Variants in DLG2 observed in about 807,000 individuals in gnomAD.
The protein encoded by DLG2 is discs large MAGUK scaffold protein 2, also known as disks large homolog 2.
A neutral mutation model predicts 132.5 loss-of-function variants in DLG2; 45 were observed. The ratio of observed to expected loss-of-function variants is 0.34; its 90% CI spans 0.27 to 0.44. The LOEUF (loss-of-function observed/expected upper bound fraction) is 0.44, where lower values mean the gene tolerates loss of function less well. Ranked by LOEUF, DLG2 falls within the 20% of genes least tolerant of loss-of-function variation. DLG2 has a pLI of 1.00. For synonymous variants in DLG2, 424 were observed against 419.6 expected, an observed-to-expected ratio of 1.01 and a Z score of -0.13; for missense variants, 1,045 against 1,196.9, an observed-to-expected ratio of 0.87 and a Z score of 1.87.
chr11:84,165,141 T>C (rs953857753), intron 8 of DLG2, among the ~76,000 whole-genome samples: 11 of 152,216 alleles, frequency 7.2e-5, no homozygotes, highest in African/African-American at 2.2e-4. Context: ...TCCCTCAGTA[T>C]GGCTCCATGA....
intron 18 of DLG2, among the ~76,000 whole-genome samples, chr11:83,758,692 T>C (rs1216234122): frequency 6.6e-6 from 1 of 152,198 alleles, no homozygotes; most frequent in Admixed American, 6.5e-5. Flanking sequence ...ATCTGCTTAG[T>C]CCAGTGCTTG....
chr11:84,533,632 T>A (rs1251659684), intron 7 of DLG2, among the ~76,000 whole-genome samples: 1 of 152,104 alleles, frequency 6.6e-6, no homozygotes, highest in African/African-American at 2.4e-5. Flanking sequence ...TTTTTGCAGG[T>A]ATAATAAGAT....
intron 7 of DLG2, among the ~76,000 whole-genome samples, chr11:84,522,882 C>T (rs1213261540): frequency 3.3e-5 from 5 of 152,152 alleles, no homozygotes; most frequent in Non-Finnish European, 7.4e-5. Context: ...CAATATCTTC[C>T]ATCACTAGCC....
intron 6 of DLG2, among the ~76,000 whole-genome samples, chr11:84,795,560 C>T (rs1283075082): frequency 1.3e-5 from 2 of 152,140 alleles, no homozygotes; most frequent in Non-Finnish European, 2.9e-5. Context: ...TGATCATCCT[C>T]CGCTTGTCTG....
chr11:84,747,560 G>C (rs1305614927), intron 6 of DLG2, among the ~76,000 whole-genome samples: 2 of 152,148 alleles, frequency 1.3e-5, no homozygotes, highest in African/African-American at 4.8e-5. Flanking sequence ...AATAAAATTA[G>C]TTAACATATT....
chr11:84,429,665 T>TA (rs2098978062), intron 7 of DLG2, among the ~76,000 whole-genome samples: 1 of 152,318 alleles, frequency 6.6e-6, no homozygotes, highest in African/African-American at 2.4e-5. Context: ...ATGGCTTCTC[T>TA]AATAGCCTCA....
chr11:83,694,565 A>C (rs1200950766), intron 18 of DLG2, among the ~76,000 whole-genome samples: 2 of 152,124 alleles, frequency 1.3e-5, no homozygotes, highest in African/African-American at 4.8e-5. Flanking sequence ...AGAAAGAAAA[A>C]AGAATCTTAA....
Position 83,511,087 on chromosome 11 carries a change from G to GACACACACACACAGAC in DLG2, c.2193+21620_2193+21621insGTCTGTGTGTGTGTGT, listed in dbSNP as rs372046221. On this transcript the variant is annotated intron_variant, in intron 21 of 27. Coordinates refer to ENST00000376104, the MANE Select transcript of DLG2 (RefSeq NM_001142699.3). ...TCACTTGCTCAAACACACACACACA[G>GACACACACACACAGAC]ACACACACACACACACACACACACA... 5.5e-3 allele frequency among the ~76,000 whole-genome samples: 764 copies of GACACACACACACAGAC among 138,576 alleles called. 6 individuals are homozygous for GACACACACACACAGAC. The highest frequency in any genetic ancestry group is 8.4e-3 in the Non-Finnish European group (542 of 64,664). 90.9% of individuals were successfully genotyped at this position (138,576 alleles called of 152,430 possible). A position where few individuals can be genotyped will look rare whatever the true frequency, so the allele number is the denominator to read the frequency against.
At chr11:83,900,089 C>G (rs1003200651) in intron 15 of DLG2, among the ~76,000 whole-genome samples, 9 of 152,106 alleles carry the variant, frequency 5.9e-5, no homozygotes, top group Non-Finnish European at 7.4e-5. Context: ...TTTCCCCCTG[C>G]CCAAGAGATT....
At chr11:85,465,292 C>G (rs556754987) in intron 3 of DLG2, among the ~76,000 whole-genome samples, 1 of 151,174 alleles carries the variant, frequency 6.6e-6, no homozygotes, top group South Asian at 2.1e-4. Context: ...ACTTCATAGC[C>G]ACTGCAACTG....
At position 85,523,432 on chromosome 11, in the gene DLG2, A is replaced by C. The variant is rs115620124; in HGVS notation, c.40+75225T>G. ...AAAAATGGGAAAAAGATCTAAACAGACATTTCTCAAAAGAAGACATACAAA... is the reference window on the plus strand; with the variant it reads ...AAAAATGGGAAAAAGATCTAAACAGCCATTTCTCAAAAGAAGACATACAAA... On this transcript the variant is annotated intron_variant, in intron 3 of 27. Coordinates refer to ENST00000376104, the MANE Select transcript of DLG2 (RefSeq NM_001142699.3). 8.2e-3 allele frequency among the ~76,000 whole-genome samples: 1,256 copies of C among 152,346 alleles called. 18 individuals carry two copies. Among genetic ancestry groups the C allele is most frequent in the African/African-American group, 0.029 (1,222 of 41,570 alleles).
At chr11:85,311,679 C>T (rs1244309901) in intron 3 of DLG2, among the ~76,000 whole-genome samples, 1 of 152,060 alleles carries the variant, frequency 6.6e-6, no homozygotes, top group Admixed American at 6.6e-5. Flanking sequence ...ATCTCTTAGA[C>T]TTATTTATTT....
intron 21 of DLG2, among the ~76,000 whole-genome samples, chr11:83,498,311 C>T (rs1440112914): frequency 6.6e-6 from 1 of 152,010 alleles, no homozygotes; most frequent in East Asian, 1.9e-4. Context: ...GTAATAGACA[C>T]ACTTTCCCAA....
intron 7 of DLG2, among the ~76,000 whole-genome samples, chr11:84,377,919 T>C (rs1401244982): frequency 1.3e-5 from 2 of 152,116 alleles, no homozygotes; most frequent in African/African-American, 4.8e-5. Context: ...AATGACCTTA[T>C]AGGAACAAGA....
At chr11:84,241,884 T>C (rs1017704080) in intron 8 of DLG2, among the ~76,000 whole-genome samples, 1 of 152,218 alleles carries the variant, frequency 6.6e-6, no homozygotes, top group Non-Finnish European at 1.5e-5. Context: ...TCTGATTCTA[T>C]AGCTTTGGGG....
intron 5 of DLG2, among the ~76,000 whole-genome samples, chr11:85,123,213 G>A (rs1021712328): frequency 7.9e-5 from 12 of 151,552 alleles, no homozygotes; most frequent in African/African-American, 2.9e-4. Flanking sequence ...TCCTGACCTC[G>A]TGATCCGCCC....
chr11:85,544,675 T>C (rs2076188021), intron 3 of DLG2, among the ~76,000 whole-genome samples: 3 of 152,216 alleles, frequency 2.0e-5, no homozygotes, highest in African/African-American at 7.2e-5. Context: ...CCTTGAGCAG[T>C]GGTTTGTAGT....
At chr11:84,922,876 A>G (rs1382084002) in intron 6 of DLG2, among the ~76,000 whole-genome samples, 1 of 149,364 alleles carries the variant, frequency 6.7e-6, no homozygotes, top group African/African-American at 2.5e-5. Context: ...TTAAACCTGA[A>G]GGTCACTTCA....
intron 5 of DLG2, among the ~76,000 whole-genome samples, chr11:85,123,311 A>G (rs935218959): frequency 1.3e-5 from 2 of 152,016 alleles, no homozygotes; most frequent in African/African-American, 4.8e-5. Context: ...GTTCAAGTTA[A>G]TGGTGTGGAA....
Sources: gnomAD v4.1 joint callset for allele counts (sites outside exome capture counted in the v4.1 genomes callset) on GRCh38, gnomAD v4.1.1 for gene constraint, MANE v1.5 for transcripts, NCBI Gene and HGNC (gene_info 2026-07-23, HGNC 2026-07-21) for gene names.